The following ROR2 variants were observed in gnomAD, a reference collection of about 807,000 sequenced individuals.
The protein encoded by ROR2 is tyrosine-protein kinase transmembrane receptor ROR2.
Under a neutral mutation model 74.9 loss-of-function variants are expected in ROR2, and 33 were observed. The ratio of observed to expected loss-of-function variants is 0.44; its 90% CI spans 0.33 to 0.59. The LOEUF (loss-of-function observed/expected upper bound fraction) is 0.59. Ranked by LOEUF, ROR2 falls within the 20% of genes least tolerant of loss-of-function variation. ROR2 has a pLI of 0.02. For synonymous variants in ROR2, 586 were observed against 558.7 expected (o/e 1.05, Z -0.69); for missense variants, 1,216 against 1,313.8 (o/e 0.93, Z 1.15).
intron 1 of ROR2, among the ~76,000 whole-genome samples, chr9:91,946,787 C>G (rs757308762): frequency 1.3e-5 from 2 of 152,202 alleles, no homozygotes; most frequent in Non-Finnish European, 2.9e-5. Flanking sequence ...CCTGGCCTCT[C>G]AGGGAATGCA....
At chr9:91,813,503 G>T (rs1040649312) in intron 1 of ROR2, among the ~76,000 whole-genome samples, 1 of 152,226 alleles carries the variant, frequency 6.6e-6, no homozygotes, top group African/African-American at 2.4e-5. Flanking sequence ...AGGAGCCACA[G>T]AAACTGGCGA....
intron 5 of ROR2, among the ~76,000 whole-genome samples, chr9:91,736,851 G>A (rs575521710): frequency 6.6e-6 from 1 of 152,270 alleles, no homozygotes; most frequent in African/African-American, 2.4e-5. Flanking sequence ...CAAAGACGTG[G>A]CTTTGTTCTC....
chr9:91,918,000 G>A (rs141743704), intron 1 of ROR2, among the ~76,000 whole-genome samples: 2,704 of 152,016 alleles, frequency 0.018, 91 homozygotes, highest in African/African-American at 0.061. Flanking sequence ...GGCCGGGCGC[G>A]GTGGCTCACA....
intron 1 of ROR2, among the ~76,000 whole-genome samples, chr9:91,789,882 A>C (rs1430089789): frequency 6.6e-6 from 1 of 152,176 alleles, no homozygotes; most frequent in Non-Finnish European, 1.5e-5. Flanking sequence ...AAACACCAAG[A>C]CTGGCAGAAT....
chr9:91,786,776 T>G (rs984084991), intron 1 of ROR2, among the ~76,000 whole-genome samples: 15 of 152,104 alleles, frequency 9.9e-5, no homozygotes, highest in Admixed American at 3.3e-4. Flanking sequence ...CCCTGGGGCA[T>G]TATGAAAACA....
chr9:91,825,029 C>A (rs1828242122), intron 1 of ROR2, among the ~76,000 whole-genome samples: 1 of 152,234 alleles, frequency 6.6e-6, no homozygotes, highest in Non-Finnish European at 1.5e-5. Context: ...CAGGGCTGGG[C>A]TGTCAATGTT....
In ROR2 at chr9:91,730,971, G is replaced by A. The variant is rs1443429119; in HGVS notation, c.1122C>T (p.Gly374=). The stretch of plus-strand genomic sequence containing the variant: ...TTTTATTCTGCGTAAAGCACCAGGG[G>A]CCCTCCATCTGGCCTCCGGGGTTCC... ...YCRNPGGQME[G]PWCFTQNKNV... Residue 374 remains glycine, a synonymous_variant, in exon 7 of 9, where the codon GGC becomes GGT. Coordinates refer to ENST00000375708, the MANE Select transcript of ROR2 (RefSeq NM_004560.4). 6.2e-7 allele frequency: 1 copy of A among 1,614,176 alleles called. No homozygotes were observed. The highest frequency in any genetic ancestry group is 8.5e-7 in the Non-Finnish European group (1 of 1,180,042).
At chr9:91,899,887 C>T (rs982737476) in intron 1 of ROR2, among the ~76,000 whole-genome samples, 9 of 152,192 alleles carry the variant, frequency 5.9e-5, no homozygotes, top group African/African-American at 1.4e-4. Flanking sequence ...CACACACATA[C>T]ACATTACATA....
chr9:91,757,204 G>A, intron 3 of ROR2, 68 bp downstream of exon 3: 2 of 1,593,834 alleles, frequency 1.3e-6, no homozygotes, highest in African/African-American at 1.3e-5. Context: ...AATAGCAACT[G>A]GACCTCTTGC....
At chr9:91,811,250 G>T (rs1359296286) in intron 1 of ROR2, among the ~76,000 whole-genome samples, 1 of 152,234 alleles carries the variant, frequency 6.6e-6, no homozygotes, top group East Asian at 1.9e-4. Context: ...GGGAAAAGCT[G>T]TCCCTCCAGG....
rs190064695 is a variant in ROR2, at chr9:91,844,681, A to T, written c.98-68863T>A. Among the ~76,000 whole-genome samples the T allele has an allele frequency of 6.6e-5, 10 of 152,258 alleles. No homozygotes were observed. In the East Asian group the frequency reaches 1.5e-3, roughly 23 times the overall value. On this transcript the variant is annotated intron_variant, in intron 1 of 8. Coordinates refer to ENST00000375708, the MANE Select transcript of ROR2 (RefSeq NM_004560.4). ...CATGTCCAGCCCCCATACTGGCGGG[A>T]TGTTGTCTTAATAGGTGTAATAGGT...
At chr9:91,761,555 C>T (rs1377245556) in intron 2 of ROR2, among the ~76,000 whole-genome samples, 1 of 152,102 alleles carries the variant, frequency 6.6e-6, no homozygotes, top group Non-Finnish European at 1.5e-5. Context: ...GTTGATCTGA[C>T]AGGAGGTGGC....
At chr9:91,908,337 C>CCT (rs1174734378) in intron 1 of ROR2, among the ~76,000 whole-genome samples, 3 of 152,226 alleles carry the variant, frequency 2.0e-5, no homozygotes, top group Non-Finnish European at 4.4e-5. Flanking sequence ...TCAATCAGAA[C>CCT]ATCTCCTGAC....
intron 1 of ROR2, among the ~76,000 whole-genome samples, chr9:91,798,794 G>A (rs911467478): frequency 6.6e-6 from 1 of 152,054 alleles, no homozygotes; most frequent in African/African-American, 2.4e-5. Context: ...GTCTACTTTC[G>A]TTTTGCCAGA....
chr9:91,750,785 A>G (rs755376524), intron 4 of ROR2, among the ~76,000 whole-genome samples: 1 of 152,168 alleles, frequency 6.6e-6, no homozygotes. Context: ...CACGAAGTTT[A>G]GTGAATAAGC....
chr9:91,908,378 A>G (rs978699792), intron 1 of ROR2, among the ~76,000 whole-genome samples: 1 of 152,252 alleles, frequency 6.6e-6, no homozygotes, highest in Non-Finnish European at 1.5e-5. Context: ...TTAAAATGTA[A>G]TAGTAAAAAC....
intron 4 of ROR2, among the ~76,000 whole-genome samples, chr9:91,741,210 G>A (rs1346109050): frequency 6.6e-6 from 1 of 151,882 alleles, no homozygotes; most frequent in Non-Finnish European, 1.5e-5. Context: ...TGAGGCAGGG[G>A]AATCGCTTGA....
At chr9:91,787,874 A>T (rs1383063153) in intron 1 of ROR2, among the ~76,000 whole-genome samples, 5 of 152,364 alleles carry the variant, frequency 3.3e-5, no homozygotes, top group African/African-American at 1.2e-4. Context: ...CAAACACTTT[A>T]TCAGCACCAC....
intron 1 of ROR2, among the ~76,000 whole-genome samples, chr9:91,863,719 G>T (rs539488019): frequency 3.9e-5 from 6 of 152,150 alleles, no homozygotes; most frequent in Non-Finnish European, 8.8e-5. Flanking sequence ...CATAGAGATG[G>T]AAAGGAGATT....
Sources: gnomAD v4.1 joint callset for allele counts (sites outside exome capture counted in the v4.1 genomes callset) on GRCh38, gnomAD v4.1.1 for gene constraint, MANE v1.5 for transcripts, NCBI Gene and HGNC (gene_info 2026-07-23, HGNC 2026-07-21) for gene names.